The following MEGF11 variants were observed in gnomAD, a reference collection of about 807,000 sequenced individuals.
MEGF11 encodes multiple EGF like domains 11.
In MEGF11, 126 loss-of-function variants were observed where a neutral mutation model predicts 146.6. That is an observed-to-expected ratio of 0.86 (90% CI 0.74 to 1.00). The LOEUF is 1.00. Ranked by LOEUF, MEGF11 falls within the 50% of genes least tolerant of loss-of-function variation. The pLI, the probability that MEGF11 is intolerant of heterozygous loss-of-function variation, is 0.00. For synonymous variants in MEGF11, 532 were observed against 583.4 expected (o/e 0.91, Z 1.27); for missense variants, 1,509 against 1,521.2 (o/e 0.99, Z 0.13).
At chr15:65,901,855 C>G (rs139641335) in intron 24 of MEGF11, 69 of 152,228 alleles carry the variant, frequency 4.5e-4, no homozygotes, top group African/African-American at 1.5e-3. Context: ...ACTGTTGTTT[C>G]TACTTTAGAA....
At chr15:66,122,775 T>C (rs1413358545) in intron 3 of MEGF11, among the ~76,000 whole-genome samples, 1 of 151,638 alleles carries the variant, frequency 6.6e-6, no homozygotes, top group African/African-American at 2.4e-5. Context: ...GGCTTTTTTG[T>C]TTTGTTTTGT....
At chr15:66,226,547 C>T (rs1262259260) in intron 1 of MEGF11, among the ~76,000 whole-genome samples, 1 of 152,136 alleles carries the variant, frequency 6.6e-6, no homozygotes, top group Non-Finnish European at 1.5e-5. Context: ...TGCACCCAGC[C>T]CCTTAATTTA....
At chr15:66,025,300 C>A (rs2083289411) in intron 5 of MEGF11, among the ~76,000 whole-genome samples, 1 of 152,158 alleles carries the variant, frequency 6.6e-6, no homozygotes, top group Non-Finnish European at 1.5e-5. Flanking sequence ...GGGCTGGTCC[C>A]AGGCTGATTC....
chr15:66,133,774 C>T (rs943669074), intron 1 of MEGF11, among the ~76,000 whole-genome samples: 3 of 152,264 alleles, frequency 2.0e-5, no homozygotes, highest in East Asian at 3.9e-4. Context: ...TTCTAATCTT[C>T]CTGTACTTAA....
chr15:66,135,424 C>T (rs2088845078), intron 1 of MEGF11, among the ~76,000 whole-genome samples: 1 of 152,216 alleles, frequency 6.6e-6, no homozygotes, highest in Admixed American at 6.5e-5. Flanking sequence ...ACAGAGAAGA[C>T]TCAGGCGGGG....
At chr15:66,023,054 T>C (rs929522840) in intron 5 of MEGF11, among the ~76,000 whole-genome samples, 1 of 149,474 alleles carries the variant, frequency 6.7e-6, no homozygotes, top group African/African-American at 2.5e-5. Flanking sequence ...TGAGGGAGAA[T>C]TGCTTGAACC....
chr15:66,173,055 G>A (rs1031655556), intron 1 of MEGF11, among the ~76,000 whole-genome samples: 1 of 152,292 alleles, frequency 6.6e-6, no homozygotes, highest in African/African-American at 2.4e-5. Context: ...CAGTGTTGAT[G>A]CACCTCAAAC....
intron 9 of MEGF11, among the ~76,000 whole-genome samples, chr15:65,958,295 T>C (rs2080729914): frequency 6.6e-6 from 1 of 152,234 alleles, no homozygotes; most frequent in Non-Finnish European, 1.5e-5. Context: ...TGCCAGGCTC[T>C]TTAACAGTGA....
intron 5 of MEGF11, among the ~76,000 whole-genome samples, chr15:66,060,163 T>C (rs1374116002): frequency 7.2e-6 from 1 of 139,692 alleles, no homozygotes; most frequent in Non-Finnish European, 1.5e-5. Flanking sequence ...GAAAGGGGAG[T>C]GGGGTTGACG....
intron 7 of MEGF11, among the ~76,000 whole-genome samples, chr15:65,978,343 G>A (rs893859927): frequency 1.3e-5 from 2 of 152,194 alleles, no homozygotes; most frequent in Non-Finnish European, 2.9e-5. Flanking sequence ...GCATGCACAA[G>A]GGGTATTAAT....
intron 1 of MEGF11, among the ~76,000 whole-genome samples, chr15:66,222,016 C>T (rs989298332): frequency 6.6e-6 from 1 of 152,138 alleles, no homozygotes; most frequent in Non-Finnish European, 1.5e-5. Flanking sequence ...CAGCAGTTTT[C>T]GATACCACCA....
intron 1 of MEGF11, among the ~76,000 whole-genome samples, chr15:66,134,797 C>G (rs929980073): frequency 8.5e-5 from 13 of 152,256 alleles, no homozygotes; most frequent in African/African-American, 3.1e-4. Flanking sequence ...GGATGATGGG[C>G]TGGACAGCAA....
intron 10 of MEGF11, among the ~76,000 whole-genome samples, chr15:65,952,832 T>G (rs2080455493): frequency 6.6e-6 from 1 of 152,240 alleles, no homozygotes; most frequent in African/African-American, 2.4e-5. Context: ...TTGCCCCCAC[T>G]GGGCAGCCAC....
At chr15:65,943,975 C>T (rs2080099920) in intron 10 of MEGF11, among the ~76,000 whole-genome samples, 1 of 152,000 alleles carries the variant, frequency 6.6e-6, no homozygotes, top group Admixed American at 6.6e-5. Context: ...AGGTGGGAGC[C>T]AGACTGTGGG....
chr15:66,162,638 G>A (rs2089983806), intron 1 of MEGF11, among the ~76,000 whole-genome samples: 1 of 152,178 alleles, frequency 6.6e-6, no homozygotes, highest in African/African-American at 2.4e-5. Flanking sequence ...TTACCTCTGG[G>A]AGGGGAGAGG....
chr15:66,154,778 G>A (rs1021705938), intron 1 of MEGF11, among the ~76,000 whole-genome samples: 1 of 152,170 alleles, frequency 6.6e-6, no homozygotes, highest in African/African-American at 2.4e-5. Context: ...TGGGCCAGGA[G>A]GTAACCTTTT....
At position 66,115,428 on chromosome 15, in the gene MEGF11, C is replaced by A. The variant is rs76575150; in HGVS notation, c.301+3658G>T. On this transcript the variant is annotated intron_variant, in intron 4 of 25. Transcript: ENST00000395614. ...TCTCCATTCTCTCATGGGCAAGTGC[C>A]AAAGCCCATGTGGGGCCAGTTGGTG... Among the ~76,000 whole-genome samples, 892 of 152,354 alleles carry A rather than the reference C, an allele frequency of 5.9e-3. 7 individuals carry two copies. The highest frequency in any genetic ancestry group is 0.019 in the African/African-American group (790 of 41,594).
chr15:66,079,639 G>A (rs1177111110), intron 5 of MEGF11, among the ~76,000 whole-genome samples: 3 of 150,022 alleles, frequency 2.0e-5, no homozygotes, highest in African/African-American at 4.9e-5. Context: ...CATAGACAAG[G>A]AACGAATCTC....
At chr15:66,249,050 A>G (rs535387109) in intron 1 of MEGF11, among the ~76,000 whole-genome samples, 1 of 152,368 alleles carries the variant, frequency 6.6e-6, no homozygotes, top group African/African-American at 2.4e-5. Flanking sequence ...TTACCAGGCC[A>G]GCCAAGTTGA....
Sources: allele counts gnomAD v4.1 joint callset (sites outside exome capture counted in the v4.1 genomes callset), GRCh38; gene constraint gnomAD v4.1.1; transcripts MANE v1.5; gene names NCBI Gene and HGNC (gene_info 2026-07-23, HGNC 2026-07-21).